The following KIAA1958 variants were observed in gnomAD, a reference collection of about 807,000 sequenced individuals.
KIAA1958 encodes the protein KIAA1958, also known as uncharacterized protein KIAA1958.
In KIAA1958, 14 loss-of-function variants were observed where a neutral mutation model predicts 47.2. The ratio of observed to expected loss-of-function variants is 0.30; its 90% CI spans 0.20 to 0.46. The LOEUF is 0.46. KIAA1958 is among the 20% of genes least tolerant of loss of function. KIAA1958 has a pLI of 1.00. For synonymous variants in KIAA1958, 354 were observed against 353.3 expected, an observed-to-expected ratio of 1.00 and a Z score of -0.02; for missense variants, 803 against 909.2, an observed-to-expected ratio of 0.88 and a Z score of 1.50.
At chr9:112,515,737 A>G (rs982106053) in intron 1 of KIAA1958, among the ~76,000 whole-genome samples, 1 of 92,724 alleles carries the variant, frequency 1.1e-5, no homozygotes, top group Non-Finnish European at 2.1e-5. Flanking sequence ...AATCAGGGAC[A>G]CAAACACTGC....
chr9:112,500,455 A>C (rs1285888731), intron 1 of KIAA1958, among the ~76,000 whole-genome samples: 198 of 139,452 alleles, frequency 1.4e-3, no homozygotes, highest in East Asian at 2.1e-4. Flanking sequence ...AATATCATTA[A>C]TTTTTTTTTT....
chr9:112,506,182 C>T lies in KIAA1958; in HGVS notation c.-25+19064C>T, dbSNP rs369868499. On this transcript the variant is annotated intron_variant, in intron 1 of 3. Coordinates refer to ENST00000337530, the MANE Select transcript of KIAA1958 (RefSeq NM_133465.4). ...GTAAAAACAAATGTTAGAGGCCAGG[C>T]GCGGTGGCTCACACCTGTAATCCCA... Among the ~76,000 whole-genome samples the T allele has an allele frequency of 3.4e-3, 522 of 152,240 alleles. 5 individuals carry two copies. The highest frequency in any genetic ancestry group is 0.012 in the African/African-American group (480 of 41,532).
chr9:112,494,806 A>G (rs1170888795), intron 1 of KIAA1958, among the ~76,000 whole-genome samples: 1 of 151,062 alleles, frequency 6.6e-6, no homozygotes, highest in East Asian at 2.0e-4. Context: ...TTTAGTTTTC[A>G]CTTCCTTTCT....
At chr9:112,648,752 T>C (rs1371399516) in intron 3 of KIAA1958, among the ~76,000 whole-genome samples, 3 of 152,270 alleles carry the variant, frequency 2.0e-5, no homozygotes, top group Non-Finnish European at 2.9e-5. Flanking sequence ...CTTAATCATG[T>C]CCCAGAACAA....
chr9:112,487,203 C>T, intron 1 of KIAA1958, 85 bp downstream of exon 1: 1 of 179,090 alleles, frequency 5.6e-6, no homozygotes, highest in South Asian at 8.5e-5. Flanking sequence ...GGGGGGCGGC[C>T]GCGCCGGGGT....
At chr9:112,520,318 T>A (rs1397925312) in intron 1 of KIAA1958, among the ~76,000 whole-genome samples, 1 of 152,260 alleles carries the variant, frequency 6.6e-6, no homozygotes, top group Non-Finnish European at 1.5e-5. Flanking sequence ...TAGTCTCAAA[T>A]AACTAGAGGC....
intron 2 of KIAA1958, among the ~76,000 whole-genome samples, chr9:112,578,729 A>G (rs1027173808): frequency 5.3e-5 from 8 of 152,160 alleles, no homozygotes; most frequent in Admixed American, 2.0e-4. Context: ...TTAGCAAACA[A>G]TGAGTAAAGA....
chr9:112,488,519 C>T (rs1184087196), intron 1 of KIAA1958, among the ~76,000 whole-genome samples: 3 of 152,082 alleles, frequency 2.0e-5, no homozygotes, highest in Admixed American at 6.6e-5. Flanking sequence ...TCTGGAAACT[C>T]TTTTTTGCCC....
chr9:112,513,227 ACTC>A (rs1834351989), intron 1 of KIAA1958, among the ~76,000 whole-genome samples: 1 of 119,544 alleles, frequency 8.4e-6, no homozygotes, highest in Non-Finnish European at 1.7e-5. Flanking sequence ...CTGGTCTGGA[ACTC>A]CTGACCTCAG....
At chr9:112,578,774 A>C (rs562439540) in intron 2 of KIAA1958, among the ~76,000 whole-genome samples, 1 of 152,262 alleles carries the variant, frequency 6.6e-6, no homozygotes, top group South Asian at 2.1e-4. Flanking sequence ...TTGACTACCT[A>C]CTAGTAGCTT....
At chr9:112,559,671 A>G (rs557469771) in intron 1 of KIAA1958, among the ~76,000 whole-genome samples, 1 of 152,354 alleles carries the variant, frequency 6.6e-6, no homozygotes, top group East Asian at 1.9e-4. Flanking sequence ...ATTCTTTGTT[A>G]TGAGACACTG....
At chr9:112,609,896 A>G (rs1429891037) in intron 2 of KIAA1958, among the ~76,000 whole-genome samples, 1 of 152,160 alleles carries the variant, frequency 6.6e-6, no homozygotes, top group Non-Finnish European at 1.5e-5. Context: ...AAGGAGAAGA[A>G]AAGTGGAGAG....
chr9:112,528,817 C>A (rs1300333942), intron 1 of KIAA1958, among the ~76,000 whole-genome samples: 2 of 152,298 alleles, frequency 1.3e-5, no homozygotes, highest in East Asian at 3.9e-4. Context: ...CCGCACTCGG[C>A]CTGTTTTTAT....
At chr9:112,637,877 G>A (rs1052968102) in intron 2 of KIAA1958, among the ~76,000 whole-genome samples, 19 of 152,120 alleles carry the variant, frequency 1.2e-4, no homozygotes, top group Admixed American at 2.0e-4. Flanking sequence ...GGCCAGGCGC[G>A]GTGGCTCACA....
Position 112,574,954 on chromosome 9 carries a change from C to A in KIAA1958, c.874C>A (p.Pro292Thr). Residue 292 changes from proline to threonine, a missense_variant, in exon 2 of 4, where the codon CCA (proline) becomes ACA (threonine). Pro to Thr is a conservative substitution (Grantham distance 38, BLOSUM62 -1). This residue lies in a region of KIAA1958 where 761 missense variants were observed against 829.3 expected (regional missense o/e 0.92). Coordinates refer to ENST00000337530, the MANE Select transcript of KIAA1958 (RefSeq NM_133465.4). ...QKTARVSLAS[P>T]NRGPPGTHGT... ...GACTGCTAGGGTATCTCTGGCTTCA[C>A]CAAACAGAGGACCCCCTGGTACACA... is the stretch of plus-strand genomic sequence containing the variant. 1 of 1,614,100 alleles carries A rather than the reference C, an allele frequency of 6.2e-7. No homozygotes were observed. Among genetic ancestry groups the A allele is most frequent in the Non-Finnish European group, 8.5e-7 (1 of 1,179,994 alleles).
At chr9:112,586,977 T>TC (rs948681684) in intron 2 of KIAA1958, among the ~76,000 whole-genome samples, 1 of 152,030 alleles carries the variant, frequency 6.6e-6, no homozygotes, top group Non-Finnish European at 1.5e-5. Flanking sequence ...AGCCCCCTTC[T>TC]CCCCACAGGT....
intron 2 of KIAA1958, among the ~76,000 whole-genome samples, chr9:112,610,778 G>A (rs1001125352): frequency 9.9e-5 from 15 of 152,172 alleles, no homozygotes; most frequent in African/African-American, 2.7e-4. Flanking sequence ...AACTATAATG[G>A]TAATATGTAA....
At chr9:112,651,952 TA>T (rs1403484286) in intron 3 of KIAA1958, among the ~76,000 whole-genome samples, 1 of 152,096 alleles carries the variant, frequency 6.6e-6, no homozygotes, top group Admixed American at 6.6e-5. Context: ...CAAAAAGAAA[TA>T]AAAAATATGC....
chr9:112,633,426 A>G (rs190052329), intron 2 of KIAA1958, among the ~76,000 whole-genome samples: 43 of 152,298 alleles, frequency 2.8e-4, no homozygotes, highest in South Asian at 8.3e-4. Context: ...CTCTTAATTT[A>G]TTAGGTTTGC....
Sources: gnomAD v4.1 joint callset for allele counts (sites outside exome capture counted in the v4.1 genomes callset) on GRCh38, gnomAD v4.1.1 for gene constraint, gnomAD v4.1.1 regional missense constraint, MANE v1.5 for transcripts, NCBI Gene and HGNC (gene_info 2026-07-23, HGNC 2026-07-21) for gene names.